Variants in ADRA1A observed in about 807,000 individuals in gnomAD.
ADRA1A encodes adrenoceptor alpha 1A.
In ADRA1A, 31 loss-of-function variants were observed where a neutral mutation model predicts 29.6. That is an observed-to-expected ratio of 1.05 (90% CI 0.79 to 1.41). The LOEUF is 1.41. Among genes scored for constraint, ADRA1A ranks in the 40% most tolerant of loss-of-function variants. ADRA1A has a pLI of 0.00. For synonymous variants in ADRA1A, 311 were observed against 254.3 expected (o/e 1.22, Z -2.12); for missense variants, 619 against 601.1 (o/e 1.03, Z -0.31).
chr8:26,864,258 G>A lies in ADRA1A; in HGVS notation c.712C>T (p.Arg238Trp), dbSNP rs141722973. 9 of 1,614,156 alleles carry A rather than the reference G, an allele frequency of 5.6e-6. No individual in the cohort carries two copies. The highest frequency in any genetic ancestry group is 7.6e-6 in the Non-Finnish European group (9 of 1,180,036). ...CTGCCTCCTGCCGGGGCGTTTTTCC[G>A]ATGGATGCGGAGCGTCACTTGCTCC... ...DSEQVTLRIHRKNAPAGGSGM... is the reference protein window; with the variant it reads ...DSEQVTLRIHWKNAPAGGSGM... The change falls in exon 2 of 3, where the codon CGG becomes TGG. Residue 238 changes from arginine to tryptophan, a missense_variant. Physicochemically the swap from Arg to Trp is moderately radical, Grantham distance 101 (BLOSUM62 -3). Coordinates refer to ENST00000380573, the MANE Select transcript of ADRA1A (RefSeq NM_000680.4). The surrounding 1 kb of genome is among the most constrained non-coding windows in gnomAD (Gnocchi z 8.1).
chr8:26,766,142 A>T (rs1379224405), downstream of ADRA1A: 5 of 1,605,516 alleles, frequency 3.1e-6, no homozygotes, highest in Non-Finnish European at 3.4e-6. Flanking sequence ...TCTACAATCC[A>T]TTCCCCTCTG....
Position 26,770,546 on chromosome 8 carries a change from T to G in ADRA1A, c.1004A>C (p.Lys335Thr), listed in dbSNP as rs1437190962. The G allele has an allele frequency of 2.5e-6, 4 of 1,614,020 alleles. No individual in the cohort carries two copies. Among genetic ancestry groups the G allele is most frequent in the Middle Eastern group, 1.6e-4 (1 of 6,062 alleles). The stretch of plus-strand genomic sequence containing the variant: ...GATTCTCAAGACATTCTGAAAGGCC[T>G]TTTTGAACTCTTGGCTGGAGCATGG... ...IYPCSSQEFK[K>T]AFQNVLRIQC... Residue 335 changes from lysine (K) to threonine (T), a missense_variant, in exon 3 of 3, where the codon AAG becomes ACG. Physicochemically the swap from Lys to Thr is moderately conservative, Grantham distance 78 (BLOSUM62 -1). Transcript: ENST00000380573.
intron 2 of ADRA1A, among the ~76,000 whole-genome samples, chr8:26,840,469 A>G (rs1473865699): frequency 2.0e-5 from 3 of 152,204 alleles, no homozygotes; most frequent in South Asian, 4.1e-4. Flanking sequence ...AGCAGTTACC[A>G]TGGAAACCCT....
chr8:26,778,184 G>T (rs1317939881), intron 2 of ADRA1A, among the ~76,000 whole-genome samples: 1 of 152,082 alleles, frequency 6.6e-6, no homozygotes, highest in Non-Finnish European at 1.5e-5. Flanking sequence ...AAAGGAGCAG[G>T]TCCACCCAAA....
intron 2 of ADRA1A, among the ~76,000 whole-genome samples, chr8:26,837,437 G>T (rs1811462432): frequency 6.6e-6 from 1 of 152,052 alleles, no homozygotes; most frequent in Non-Finnish European, 1.5e-5. Flanking sequence ...GATCACTTGA[G>T]GCCAGGAGTT....
At chr8:26,833,933 A>G (rs981858639) in intron 2 of ADRA1A, among the ~76,000 whole-genome samples, 5 of 152,230 alleles carry the variant, frequency 3.3e-5, no homozygotes, top group Non-Finnish European at 7.3e-5. Context: ...AAGGTGAGTT[A>G]TATGTATTGA....
chr8:26,854,428 G>GC (rs1554513001), intron 2 of ADRA1A: 1 of 120,168 alleles, frequency 8.3e-6, no homozygotes, highest in Non-Finnish European at 1.8e-5. Context: ...CGGGGCGGGG[G>GC]GGGGGAGCAG....
At chr8:26,833,865 T>C (rs1407839053) in intron 2 of ADRA1A, among the ~76,000 whole-genome samples, 3 of 152,232 alleles carry the variant, frequency 2.0e-5, no homozygotes. Flanking sequence ...TTCAATAGGA[T>C]ATCTTCATGT....
At chr8:26,814,508 C>T (rs2130559542) in intron 2 of ADRA1A, among the ~76,000 whole-genome samples, 1 of 152,346 alleles carries the variant, frequency 6.6e-6, no homozygotes, top group South Asian at 2.1e-4. Flanking sequence ...GGAATCCTAT[C>T]ACCTTGGCCT....
At chr8:26,846,437 C>T (rs1812204442) in intron 2 of ADRA1A, among the ~76,000 whole-genome samples, 1 of 152,128 alleles carries the variant, frequency 6.6e-6, no homozygotes, top group Admixed American at 6.5e-5. Context: ...CACACAATGC[C>T]AGCAGCATCT....
At position 26,860,326 on chromosome 8, in the gene ADRA1A, A is replaced by G. The variant is rs1002353247; in HGVS notation, c.883+3761T>C. On this transcript the variant is annotated intron_variant, in intron 2 of 2. Coordinates refer to ENST00000380573, the MANE Select transcript of ADRA1A (RefSeq NM_000680.4). This position sits in a 1 kb window ranked among gnomAD's most constrained non-coding sequence, Gnocchi z 4.7. Reference sequence around the variant, plus strand: ...ACCCATCGTCACCTGGGCTCCTTCTACAACCTGGCTGTGGATGCTCCCTAA... The same window carrying G: ...ACCCATCGTCACCTGGGCTCCTTCTGCAACCTGGCTGTGGATGCTCCCTAA... Among the ~76,000 whole-genome samples, 1 of 152,100 alleles carries G rather than the reference A, an allele frequency of 6.6e-6. No homozygotes were observed.
downstream of ADRA1A, among the ~76,000 whole-genome samples, chr8:26,763,760 G>GT (rs1310186204): frequency 6.6e-6 from 1 of 152,182 alleles, no homozygotes; most frequent in Admixed American, 6.5e-5. This position sits in a 1 kb window ranked among gnomAD's most constrained non-coding sequence, Gnocchi z 4.5. Context: ...CCTGCAGCCT[G>GT]TTTTTTTGTT....
chr8:26,808,310 C>T (rs1461445142), intron 2 of ADRA1A, among the ~76,000 whole-genome samples: 1 of 152,174 alleles, frequency 6.6e-6, no homozygotes, highest in Non-Finnish European at 1.5e-5. Context: ...TAAAGATCTT[C>T]ATCCTTTTTT....
chr8:26,855,915 C>A (rs527967625), intron 2 of ADRA1A, among the ~76,000 whole-genome samples: 53 of 152,096 alleles, frequency 3.5e-4, no homozygotes, highest in Non-Finnish European at 6.0e-4. Context: ...ACCATGAAAC[C>A]ATGAGGTGAC....
chr8:26,856,896 G>T (rs575622375), intron 2 of ADRA1A, among the ~76,000 whole-genome samples: 7 of 152,334 alleles, frequency 4.6e-5, no homozygotes, highest in African/African-American at 1.7e-4. Context: ...CCTGGCATAT[G>T]GGAAGTTCTC....
rs140536873 is a variant in ADRA1A, at chr8:26,800,127, C to T, written c.884-29461G>A. 1.1e-3 allele frequency among the ~76,000 whole-genome samples: 169 copies of T among 152,086 alleles called. 2 individuals are homozygous for T. The highest frequency in any genetic ancestry group is 3.3e-3 in the African/African-American group (137 of 41,496). On this transcript the variant is annotated intron_variant, in intron 2 of 2. Transcript: ENST00000380573. Reference sequence around the variant, plus strand: ...TACAAAACTTAGCCAGGCATGTTGGCGCATGCCTGTAATTCCAGCTACTTG... The same window carrying T: ...TACAAAACTTAGCCAGGCATGTTGGTGCATGCCTGTAATTCCAGCTACTTG...
Position 26,825,154 on chromosome 8 carries a change from C to T in ADRA1A, c.883+38933G>A, listed in dbSNP as rs564817978. The stretch of plus-strand genomic sequence containing the variant: ...GAGAGACCCCCAGCCCCCACATGTC[C>T]CACCCTGAGCTTGCTAGGCCTTCCA... On this transcript the variant is annotated intron_variant, in intron 2 of 2. Transcript: ENST00000380573. The surrounding 1 kb of genome is among the most constrained non-coding windows in gnomAD (Gnocchi z 5.7). Among the ~76,000 whole-genome samples, 324 of 152,276 alleles carry T rather than the reference C, an allele frequency of 2.1e-3. 1 individual carries two copies. The highest frequency in any genetic ancestry group is 7.4e-3 in the African/African-American group (309 of 41,550).
chr8:26,755,951 A>G (rs1018767278), downstream of ADRA1A, among the ~76,000 whole-genome samples: 4 of 152,254 alleles, frequency 2.6e-5, no homozygotes, highest in Non-Finnish European at 5.9e-5. Context: ...TACAAGTTAA[A>G]TGTGCCTAAC....
At chr8:26,753,352 G>T (rs932677432), downstream of ADRA1A, among the ~76,000 whole-genome samples, 1 of 152,002 alleles carries the variant, frequency 6.6e-6, no homozygotes, top group Non-Finnish European at 1.5e-5. Flanking sequence ...GATGATCCAG[G>T]TGTATTCTGG....
Sources: allele counts gnomAD v4.1 joint callset (sites outside exome capture counted in the v4.1 genomes callset), GRCh38; gene constraint gnomAD v4.1.1; non-coding constraint Gnocchi (gnomAD v3.1); transcripts MANE v1.5; gene names NCBI Gene and HGNC (gene_info 2026-07-23, HGNC 2026-07-21).